SLC26A3: variants seen among roughly 807,000 people sequenced by gnomAD.
The protein encoded by SLC26A3 is solute carrier family 26 member 3.
Under a neutral mutation model 85.6 loss-of-function variants are expected in SLC26A3, and 64 were observed. The ratio of observed to expected loss-of-function variants is 0.75; its 90% confidence interval spans 0.61 to 0.92. The LOEUF is 0.92. SLC26A3 is among the 40% of genes least tolerant of loss of function. The pLI, the probability that SLC26A3 is intolerant of heterozygous loss-of-function variation, is 0.00. For synonymous variants in SLC26A3, 349 were observed against 336.0 expected (o/e 1.04, Z -0.42); for missense variants, 922 against 927.3 (o/e 0.99, Z 0.07).
At chr7:107,774,660 GAC>G in intron 16 of SLC26A3, 115 bp downstream of exon 16, 2 of 808,852 alleles carry the variant, frequency 2.5e-6, no homozygotes, top group South Asian at 2.8e-5. Context: ...AACACTCATT[GAC>G]ACATGAAATC....
In SLC26A3 at chr7:107,771,925, C is replaced by T. The variant is rs889321360; in HGVS notation, c.2062+129G>A. On this transcript the variant is annotated intron_variant, in intron 18 of 20. Transcript: ENST00000340010. ...TGTTTCCATAGGGATTTTTATTGGG[C>T]TGGCTGCATATTAGATTTTCATCAT... is the stretch of plus-strand genomic sequence containing the variant. 4.1e-6 allele frequency: 3 copies of T among 724,228 alleles called. No homozygotes were observed. In the South Asian group the frequency reaches 4.6e-5, roughly 11 times the overall value. 44.9% of individuals were successfully genotyped at this position (724,228 alleles called of 1,614,324 possible). A position where few individuals can be genotyped will look rare whatever the true frequency, so the allele number is the denominator to read the frequency against.
intron 19 of SLC26A3, 40 bp downstream of exon 19, chr7:107,767,726 G>C: frequency 6.2e-7 from 1 of 1,612,164 alleles, no homozygotes; most frequent in Non-Finnish European, 8.5e-7. Flanking sequence ...AGTGCAGATG[G>C]CTGCTTATGC....
chr7:107,792,604 G>T (rs1314207180), intron 3 of SLC26A3, among the ~76,000 whole-genome samples: 1 of 152,138 alleles, frequency 6.6e-6, no homozygotes, highest in African/African-American at 2.4e-5. Context: ...GTAAATACAG[G>T]TGAGGCTTCA....
chr7:107,797,823 TAAAAAGAGA>T, intron 1 of SLC26A3, among the ~76,000 whole-genome samples: 1 of 150,760 alleles, frequency 6.6e-6, no homozygotes, highest in Non-Finnish European at 1.5e-5. Flanking sequence ...AATTAGGAAT[TAAAAAGAGA>T]TTGTTTAAAC....
Position 107,779,656 on chromosome 7 carries a change from G to A in SLC26A3, c.1407+12C>T. Reference sequence around the variant, plus strand: ...ATTTATCTCTCTTTCAAATACTATTGCCTCTACTTACACAATCATATTTGT... The same window carrying A: ...ATTTATCTCTCTTTCAAATACTATTACCTCTACTTACACAATCATATTTGT... On this transcript the variant is annotated intron_variant, in intron 12 of 20. Coordinates refer to ENST00000340010, the MANE Select transcript of SLC26A3 (RefSeq NM_000111.3). The A allele has an allele frequency of 1.9e-6, 3 of 1,582,362 alleles. No homozygotes were observed. Among genetic ancestry groups the A allele is most frequent in the Non-Finnish European group, 2.6e-6 (3 of 1,151,248 alleles).
chr7:107,770,489 C>T (rs1014828082), intron 18 of SLC26A3, among the ~76,000 whole-genome samples: 1 of 151,504 alleles, frequency 6.6e-6, no homozygotes, highest in Non-Finnish European at 1.5e-5. Context: ...AACGCTGGGG[C>T]TTAAGTGATC....
chr7:107,775,816 C>G (rs1794103404), intron 15 of SLC26A3, among the ~76,000 whole-genome samples: 1 of 152,080 alleles, frequency 6.6e-6, no homozygotes, highest in African/African-American at 2.4e-5. Context: ...ACAATATAAT[C>G]TCATTTTGCA....
In SLC26A3 at chr7:107,779,781, A is replaced by G; in HGVS notation, c.1312-18T>C. The G allele has an allele frequency of 6.3e-7, 1 of 1,590,932 alleles. No individual in the cohort carries two copies. The highest frequency in any genetic ancestry group is 8.6e-7 in the Non-Finnish European group (1 of 1,158,978). On this transcript the variant is annotated intron_variant, in intron 11 of 20. Transcript: ENST00000340010. ...AGGACGGACTGTGAAAAACACAAACATCAGATGTACTTTAAGTTAATGAAA... is the reference window on the plus strand; with the variant it reads ...AGGACGGACTGTGAAAAACACAAACGTCAGATGTACTTTAAGTTAATGAAA...
intron 18 of SLC26A3, 120 bp from the exon 19 acceptor site, chr7:107,768,028 GT>G (rs1793945247): frequency 1.2e-6 from 1 of 860,824 alleles, no homozygotes; most frequent in African/African-American, 1.7e-5. Flanking sequence ...ATTTGGTTAA[GT>G]GTGTGTGGGT....
chr7:107,791,336 G>C (rs1271301617), intron 4 of SLC26A3, 101 bp from the exon 5 acceptor site: 1 of 1,295,360 alleles, frequency 7.7e-7, no homozygotes, highest in Non-Finnish European at 1.1e-6. Flanking sequence ...GCAAGGCTGG[G>C]CGTGGTGGCT....
chr7:107,794,560 G>T lies in SLC26A3; in HGVS notation c.-51C>A, dbSNP rs370340588. ...AGTTGAAGACCTTTGCAACTATGTG[G>T]TGAACACTTCTTCTTGCCTTTAGCA... is the stretch of plus-strand genomic sequence containing the variant. On this transcript the variant is annotated 5_prime_UTR_variant, in exon 2 of 21. Transcript: ENST00000340010. 35 of 1,607,794 alleles carry T rather than the reference G, an allele frequency of 2.2e-5. No homozygotes were observed. In the African/African-American group the frequency reaches 4.5e-4, roughly 21 times the overall value.
At chr7:107,773,185 A>T (rs1408007814) in intron 17 of SLC26A3, among the ~76,000 whole-genome samples, 1 of 152,212 alleles carries the variant, frequency 6.6e-6, no homozygotes, top group Non-Finnish European at 1.5e-5. Context: ...TTTGGGTTTT[A>T]GCCAAGTGAA....
At chr7:107,768,247 C>G (rs1227059407) in intron 18 of SLC26A3, among the ~76,000 whole-genome samples, 1 of 152,130 alleles carries the variant, frequency 6.6e-6, no homozygotes, top group Non-Finnish European at 1.5e-5. Flanking sequence ...TCAAGTGTGG[C>G]TTCTTATTAA....
chr7:107,777,872 T>C (rs1218741804), intron 13 of SLC26A3, among the ~76,000 whole-genome samples: 2 of 152,210 alleles, frequency 1.3e-5, no homozygotes, highest in Non-Finnish European at 2.9e-5. Context: ...TGGAATAGAA[T>C]TACTTCTGGT....
intron 1 of SLC26A3, 92 bp from the exon 2 acceptor site, chr7:107,794,689 T>C: frequency 1.5e-6 from 1 of 654,606 alleles, no homozygotes. Context: ...TGTTACCACC[T>C]TTTAAGATCA....
At chr7:107,776,727 A>G in intron 13 of SLC26A3, 21 bp from the exon 14 acceptor site, 1 of 1,607,538 alleles carries the variant, frequency 6.2e-7, no homozygotes, top group Non-Finnish European at 8.5e-7. Context: ...AAAAACACCA[A>G]GTAAATCATT....
Position 107,791,104 on chromosome 7 carries a change from C to G in SLC26A3, c.514G>C (p.Glu172Gln). The G allele has an allele frequency of 1.2e-6, 2 of 1,614,194 alleles. No individual in the cohort carries two copies. Among genetic ancestry groups the G allele is most frequent in the East Asian group, 4.5e-5 (2 of 44,882 alleles). ...NSNNSSLLDD[E>Q]RVRVAAAASV... ...GCCGCCGCCGCCACCCTCACCCTCT[C>G]GTCATCCAGTAGTGAAGAATTATTC... Residue 172 changes from glutamate to glutamine, a missense_variant, in exon 5 of 21, where the codon GAG (glutamate) becomes CAG (glutamine). Glu to Gln is a conservative substitution (Grantham distance 29). Coordinates refer to ENST00000340010, the MANE Select transcript of SLC26A3 (RefSeq NM_000111.3).
In SLC26A3 at chr7:107,794,589, T is replaced by TA; in HGVS notation, c.-81dup. On this transcript the variant is annotated 5_prime_UTR_variant, in exon 2 of 21. The change abolishes the stop of an existing upstream ORF in the 5' untranslated region. Coordinates refer to ENST00000340010, the MANE Select transcript of SLC26A3 (RefSeq NM_000111.3). The stretch of plus-strand genomic sequence containing the variant: ...ACACTTCTTCTTGCCTTTAGCAGGT[T>TA]AAAAATGCCTGAAACCAAACAGAGC... 2.0e-6 allele frequency: 3 copies of TA among 1,499,812 alleles called. No individual in the cohort carries two copies. The highest frequency in any genetic ancestry group is 2.8e-6 in the Non-Finnish European group (3 of 1,076,972). 92.9% of individuals were successfully genotyped at this position (1,499,812 alleles called of 1,614,324 possible).
chr7:107,800,612 A>G (rs1262802461), intron 1 of SLC26A3, among the ~76,000 whole-genome samples: 1 of 152,250 alleles, frequency 6.6e-6, no homozygotes, highest in African/African-American at 2.4e-5. Context: ...CCAAATCTTA[A>G]CCATTTTTCC....
Sources: allele counts gnomAD v4.1 joint callset (sites outside exome capture counted in the v4.1 genomes callset), GRCh38; gene constraint gnomAD v4.1.1; transcripts MANE v1.5; gene names NCBI Gene and HGNC (gene_info 2026-07-23, HGNC 2026-07-21).